RPH3AL: variants seen among roughly 807,000 people sequenced by gnomAD.
The protein encoded by RPH3AL is rabphilin 3A like (without C2 domains).
Under a neutral mutation model 43.1 loss-of-function variants are expected in RPH3AL, and 38 were observed. The observed-to-expected ratio is 0.88, with a 90% CI of 0.68 to 1.15. The LOEUF is 1.15. Ranked by LOEUF, RPH3AL falls within the 50% of genes most tolerant of loss-of-function variation. The pLI is 0.00. For missense variants in RPH3AL, 462 were observed against 423.2 expected, an observed-to-expected ratio of 1.09 and a Z score of -0.81; for synonymous variants, 189 against 176.3, an observed-to-expected ratio of 1.07 and a Z score of -0.57.
rs1308193772 is a variant in RPH3AL, at chr17:218,020, T to G, written c.727+1603A>C. Among the ~76,000 whole-genome samples the G allele has an allele frequency of 2.4e-5, 3 of 127,612 alleles. No individual in the cohort carries two copies. In the South Asian group the frequency reaches 7.9e-4, roughly 33 times the overall value. 83.7% of individuals were successfully genotyped at this position (127,612 alleles called of 152,430 possible). A position where few individuals can be genotyped will look rare whatever the true frequency, so the allele number is the denominator to read the frequency against. Reference sequence around the variant, plus strand: ...GGGGCAGTTATTACAGAGCCCTTCTTCTGCGCTAAAATTGGCCTCACTGGA... The same window carrying G: ...GGGGCAGTTATTACAGAGCCCTTCTGCTGCGCTAAAATTGGCCTCACTGGA... On this transcript the variant is annotated intron_variant, in intron 8 of 9. Transcript: ENST00000331302.
At chr17:345,139 C>A (rs1255079198) in intron 1 of RPH3AL, among the ~76,000 whole-genome samples, 1 of 135,126 alleles carries the variant, frequency 7.4e-6, no homozygotes, top group African/African-American at 2.5e-5. Context: ...ATTAGCTGGG[C>A]TCAGTGACAC....
rs534379102 is a variant in RPH3AL at position 343,630 on chromosome 17, A to T, written c.-213+9082T>A. Among the ~76,000 whole-genome samples the T allele has an allele frequency of 3.9e-5, 6 of 152,346 alleles. No homozygotes were observed. In the East Asian group the frequency reaches 1.2e-3, roughly 29 times the overall value. On this transcript the variant is annotated intron_variant, in intron 1 of 9. Coordinates refer to ENST00000331302, the MANE Select transcript of RPH3AL (RefSeq NM_006987.4). ...GCTGCCTCCTGGGGCTATTGGGAAG[A>T]ATAAATTCAACCGGTGGTTCTGAAT...
intron 4 of RPH3AL, 26 bp from the exon 5 acceptor site, chr17:319,575 G>A: frequency 3.7e-6 from 6 of 1,607,480 alleles, no homozygotes; most frequent in Non-Finnish European, 5.1e-6. Flanking sequence ...CAGAGTCAGA[G>A]GGACTGTGCT....
intron 1 of RPH3AL, among the ~76,000 whole-genome samples, chr17:341,747 C>T (rs1289437409): frequency 1.3e-5 from 2 of 152,076 alleles, no homozygotes; most frequent in Non-Finnish European, 2.9e-5. Context: ...GGGGTAATGC[C>T]GTGCTGTTTA....
At chr17:284,797 C>T (rs1340346461) in intron 5 of RPH3AL, among the ~76,000 whole-genome samples, 1 of 152,212 alleles carries the variant, frequency 6.6e-6, no homozygotes, top group Non-Finnish European at 1.5e-5. Flanking sequence ...GCTGAAACAA[C>T]AGAAGCATGT....
intron 8 of RPH3AL, among the ~76,000 whole-genome samples, chr17:216,691 A>G (rs1282386560): frequency 6.6e-6 from 1 of 152,134 alleles, no homozygotes; most frequent in African/African-American, 2.4e-5. Flanking sequence ...TAGAATCTTC[A>G]GCCTGATGGA....
rs540193995 is a variant in RPH3AL, at chr17:264,818, T to G, written c.438+16950A>C. Among the ~76,000 whole-genome samples, 1 of 152,256 alleles carries G rather than the reference T, an allele frequency of 6.6e-6. No individual in the cohort carries two copies. The highest frequency in any genetic ancestry group is 1.5e-5 in the Non-Finnish European group (1 of 68,018). ...CAGCTCAGGTGACCAATGGTTGAAG[T>G]GAAATAAACATCTCAAGAATGGGGA... is the stretch of plus-strand genomic sequence containing the variant. On this transcript the variant is annotated intron_variant, in intron 6 of 9. Coordinates refer to ENST00000331302, the MANE Select transcript of RPH3AL (RefSeq NM_006987.4). This position sits in a 1 kb window ranked among gnomAD's most constrained non-coding sequence, Gnocchi z 4.8.
In RPH3AL at chr17:274,778, G is replaced by C. The variant is rs1193530694; in HGVS notation, c.438+6990C>G. Among the ~76,000 whole-genome samples, 1 of 152,144 alleles carries C rather than the reference G, an allele frequency of 6.6e-6. No homozygotes were observed. The highest frequency in any genetic ancestry group is 1.5e-5 in the Non-Finnish European group (1 of 68,020). On this transcript the variant is annotated intron_variant, in intron 6 of 9. Coordinates refer to ENST00000331302, the MANE Select transcript of RPH3AL (RefSeq NM_006987.4). The surrounding 1 kb of genome is among the most constrained non-coding windows in gnomAD (Gnocchi z 4.7). ...CTTAGGCTGCTGCAGAAGCGGGGAGGGGAAAACCTCCAAAGTGTTTAGTGC... is the reference window on the plus strand; with the variant it reads ...CTTAGGCTGCTGCAGAAGCGGGGAGCGGAAAACCTCCAAAGTGTTTAGTGC...
chr17:348,965 A>G (rs535212941), intron 1 of RPH3AL: 1 of 152,228 alleles, frequency 6.6e-6, no homozygotes, highest in African/African-American at 2.4e-5. Flanking sequence ...GAGCCACTGC[A>G]TATTGCACAG....
At chr17:298,085 A>G (rs940590231) in intron 5 of RPH3AL, among the ~76,000 whole-genome samples, 20 of 151,982 alleles carry the variant, frequency 1.3e-4, no homozygotes, top group Admixed American at 1.2e-3. Flanking sequence ...TGTGGCTCAC[A>G]CCTGGCAAAC....
At chr17:310,768 T>C (rs1161161959) in intron 5 of RPH3AL, among the ~76,000 whole-genome samples, 1 of 152,152 alleles carries the variant, frequency 6.6e-6, no homozygotes, top group Non-Finnish European at 1.5e-5. Flanking sequence ...CGGTGTGCGA[T>C]AAATATTTGT....
chr17:300,070 CT>C (rs2043286544), intron 5 of RPH3AL, among the ~76,000 whole-genome samples: 1 of 40,472 alleles, frequency 2.5e-5, no homozygotes, highest in Non-Finnish European at 5.1e-5. Flanking sequence ...TGCAGAATCT[CT>C]CACCCACTCT....
At chr17:284,828 T>C (rs1403420993) in intron 5 of RPH3AL, among the ~76,000 whole-genome samples, 1 of 152,230 alleles carries the variant, frequency 6.6e-6, no homozygotes, top group Non-Finnish European at 1.5e-5. Flanking sequence ...TGCAGAGGCC[T>C]GACGGCCCCG....
Position 316,529 on chromosome 17 carries a change from G to A in RPH3AL, c.351+2891C>T, listed in dbSNP as rs1483637058. ...TGTGCTCCACCTCCAGTGACCTGTAGTCCCTGTGACTCCACCTCCACTGAC... is the reference window on the plus strand; with the variant it reads ...TGTGCTCCACCTCCAGTGACCTGTAATCCCTGTGACTCCACCTCCACTGAC... On this transcript the variant is annotated intron_variant, in intron 5 of 9. Transcript: ENST00000331302. Among the ~76,000 whole-genome samples the A allele has an allele frequency of 2.1e-5, 3 of 144,732 alleles. No individual in the cohort carries two copies. The Admixed American group carries it at 2.1e-4, about 10-fold the overall frequency. The allele number at this position is 144,732 out of a possible 152,430, so 94.9% of individuals were successfully genotyped here. A position where few individuals can be genotyped will look rare whatever the true frequency, so the allele number is the denominator to read the frequency against.
At position 219,728 on chromosome 17, in the gene RPH3AL, T is replaced by C. The variant is rs144069985; in HGVS notation, c.622A>G (p.Ser208Gly). ...YTWARGRVVS[S>G]DSDSDSDLSS... ...AGATCCGAGTCACTGTCACTGTCAC[T>C]GGAAACCACTGGAAGAGACAGACCA... The change falls in exon 8 of 10, where the codon AGT becomes GGT. Residue 208 changes from serine (S) to glycine (G), a missense_variant. Coordinates refer to ENST00000331302, the MANE Select transcript of RPH3AL (RefSeq NM_006987.4). The C allele has an allele frequency of 4.0e-3, 6,473 of 1,612,080 alleles. 24 individuals are homozygous for C. Among genetic ancestry groups the C allele is most frequent in the Non-Finnish European group, 4.3e-3 (5,073 of 1,178,436 alleles).
intron 5 of RPH3AL, among the ~76,000 whole-genome samples, chr17:305,239 C>T (rs970837658): frequency 6.6e-6 from 1 of 151,952 alleles, no homozygotes; most frequent in African/African-American, 2.4e-5. Context: ...GAGGTACAAC[C>T]TCGTGTCCAG....
At chr17:224,821 G>A (rs1181877873) in intron 7 of RPH3AL, among the ~76,000 whole-genome samples, 2 of 152,202 alleles carry the variant, frequency 1.3e-5, no homozygotes, top group African/African-American at 4.8e-5. Context: ...GTAGGGACAT[G>A]GATGAAGCTG....
chr17:259,825 C>A (rs2042158608), intron 6 of RPH3AL, among the ~76,000 whole-genome samples: 1 of 152,266 alleles, frequency 6.6e-6, no homozygotes, highest in African/African-American at 2.4e-5. Flanking sequence ...AATCTGACTG[C>A]AGATTCTCAT....
At chr17:301,730 C>T (rs534496807) in intron 5 of RPH3AL, among the ~76,000 whole-genome samples, 10 of 152,284 alleles carry the variant, frequency 6.6e-5, no homozygotes, top group Admixed American at 6.5e-5. Flanking sequence ...TGACCCACCG[C>T]GCCCGGCCTG....
Sources: gnomAD v4.1 joint callset for allele counts (sites outside exome capture counted in the v4.1 genomes callset) on GRCh38, gnomAD v4.1.1 for gene constraint, Gnocchi (gnomAD v3.1) non-coding constraint, MANE v1.5 for transcripts, NCBI Gene and HGNC (gene_info 2026-07-23, HGNC 2026-07-21) for gene names.